The following PTPRG variants were observed in gnomAD, a reference collection of about 807,000 sequenced individuals.
PTPRG encodes the protein protein tyrosine phosphatase receptor type G, also known as receptor-type tyrosine-protein phosphatase gamma.
Under a neutral mutation model 165.3 loss-of-function variants are expected in PTPRG, and 102 were observed. That is an observed-to-expected ratio of 0.62 (90% CI 0.53 to 0.73). The LOEUF is 0.73. Among genes scored for constraint, PTPRG ranks in the 30% least tolerant of loss-of-function variants. The probability of loss-of-function intolerance (pLI) is 0.00; values close to 1 mark genes in which losing one functional copy is unlikely to be tolerated. For missense variants in PTPRG, 1,866 were observed against 1,861.4 expected (o/e 1.00, Z -0.05); for synonymous variants, 675 against 669.5 (o/e 1.01, Z -0.13).
At chr3:61,987,337 A>G (rs1447275547) in intron 2 of PTPRG, among the ~76,000 whole-genome samples, 1 of 152,244 alleles carries the variant, frequency 6.6e-6, no homozygotes, top group African/African-American at 2.4e-5. Flanking sequence ...GAATAAATGA[A>G]TCCCACTGGT....
chr3:61,879,261 T>C (rs982150556), intron 2 of PTPRG, among the ~76,000 whole-genome samples: 3 of 152,210 alleles, frequency 2.0e-5, no homozygotes, highest in African/African-American at 7.2e-5. Flanking sequence ...TTTCTTGCTA[T>C]GCTTCTAGGC....
chr3:61,808,391 C>A (rs1402788169), intron 2 of PTPRG, among the ~76,000 whole-genome samples: 1 of 152,120 alleles, frequency 6.6e-6, no homozygotes. Flanking sequence ...GTGGCACTCA[C>A]CCCTATTCCT....
chr3:61,946,247 G>A (rs2039759365), intron 2 of PTPRG, among the ~76,000 whole-genome samples: 1 of 152,164 alleles, frequency 6.6e-6, no homozygotes, highest in Non-Finnish European at 1.5e-5. Context: ...TCTATCAAAT[G>A]TGTGATCAAG....
At chr3:62,039,409 CAG>C (rs898312601) in intron 4 of PTPRG, among the ~76,000 whole-genome samples, 1 of 151,816 alleles carries the variant, frequency 6.6e-6, no homozygotes, top group African/African-American at 2.4e-5. Context: ...TTTCATGCAA[CAG>C]GGGGAAAAAA....
intron 8 of PTPRG, among the ~76,000 whole-genome samples, chr3:62,185,939 A>G (rs1705864810): frequency 6.6e-6 from 1 of 152,208 alleles, no homozygotes; most frequent in African/African-American, 2.4e-5. Context: ...CAGCTCTTCC[A>G]AACTGATCTA....
chr3:62,091,885 C>T (rs538154897), intron 5 of PTPRG, among the ~76,000 whole-genome samples: 1 of 151,904 alleles, frequency 6.6e-6, no homozygotes, highest in Non-Finnish European at 1.5e-5. Context: ...GGACGAGATA[C>T]CCCCATACAG....
intron 2 of PTPRG, among the ~76,000 whole-genome samples, chr3:61,961,433 A>G (rs2040149658): frequency 6.6e-6 from 1 of 152,208 alleles, no homozygotes; most frequent in African/African-American, 2.4e-5. Context: ...TAAATGAAAA[A>G]TAAACCATTT....
intron 28 of PTPRG, among the ~76,000 whole-genome samples, chr3:62,286,493 G>A (rs187905784): frequency 6.6e-6 from 1 of 151,856 alleles, no homozygotes; most frequent in Non-Finnish European, 1.5e-5. Flanking sequence ...ATGGTTAAAT[G>A]CTCACAGGTA....
intron 4 of PTPRG, among the ~76,000 whole-genome samples, chr3:62,042,161 G>T (rs143171922): frequency 0.01 from 1,577 of 152,220 alleles, 27 homozygotes; most frequent in Non-Finnish European, 0.015. Flanking sequence ...TAGGATTTGG[G>T]GCAAGCTCAG....
intron 2 of PTPRG, among the ~76,000 whole-genome samples, chr3:61,824,702 G>A (rs1329615525): frequency 6.6e-6 from 1 of 152,186 alleles, no homozygotes; most frequent in Non-Finnish European, 1.5e-5. Context: ...GAAGCAGGAG[G>A]ATCAGTCAAG....
At position 62,293,297 on chromosome 3, in the gene PTPRG, C is replaced by A; in HGVS notation, c.4328C>A (p.Ser1443Tyr). 1 of 1,572,174 alleles carries A rather than the reference C, an allele frequency of 6.4e-7. No homozygotes were observed. Among genetic ancestry groups the A allele is most frequent in the Non-Finnish European group, 8.6e-7 (1 of 1,165,600 alleles). ...TCAGACCCTGCTGAGAGCATGGAGT[C>A]CCTAGTGTGACTGGAATCCTGAAAG... ...DESDPAESME[S>Y]LV The change falls in exon 30 of 30, where the codon TCC (serine) becomes TAC (tyrosine). Residue 1443 changes from serine (S) to tyrosine (Y), a missense_variant. By Grantham distance (144) the Ser-to-Tyr change is moderately radical (BLOSUM62 -2). This residue lies in a region of PTPRG where 1,452 missense variants were observed against 1,463.0 expected (regional missense o/e 0.99). Transcript: ENST00000474889.
At chr3:61,898,924 T>A (rs2038430155) in intron 2 of PTPRG, among the ~76,000 whole-genome samples, 3 of 152,116 alleles carry the variant, frequency 2.0e-5, no homozygotes, top group African/African-American at 7.2e-5. Context: ...GTCTGTCTGT[T>A]TAGAGACAGG....
chr3:61,734,468 C>A (rs888478600), intron 1 of PTPRG, among the ~76,000 whole-genome samples: 2 of 152,124 alleles, frequency 1.3e-5, no homozygotes, highest in South Asian at 2.1e-4. Context: ...ATTTAATAAA[C>A]CTTTGTAAGT....
At chr3:62,107,686 C>G (rs754155125) in intron 5 of PTPRG, among the ~76,000 whole-genome samples, 1 of 152,170 alleles carries the variant, frequency 6.6e-6, no homozygotes, top group Non-Finnish European at 1.5e-5. Flanking sequence ...ATATTCTCTT[C>G]TCAAACTGGA....
chr3:62,238,777 A>T (rs777238616), intron 14 of PTPRG, among the ~76,000 whole-genome samples: 8 of 152,192 alleles, frequency 5.3e-5, no homozygotes, highest in Middle Eastern at 3.2e-3. Flanking sequence ...CTGATAAGAG[A>T]GAGAGAGAGA....
In PTPRG at chr3:62,262,806, G is replaced by C; in HGVS notation, c.2568G>C (p.Gln856His). Residue 856 changes from glutamine to histidine, a missense_variant, in exon 17 of 30, where the codon CAG becomes CAC. Gln to His is a conservative substitution (Grantham distance 24, BLOSUM62 0). This residue lies in a region of PTPRG where 1,452 missense variants were observed against 1,463.0 expected (regional missense o/e 0.99). Transcript: ENST00000474889. ...GCTGTTTTCTTCACTAGGAAGTCCA[G>C]CGCTGTACTGCTGATATGAACATCA... ...HGFSEDFEEV[Q>H]RCTADMNITA... 6.2e-7 allele frequency: 1 copy of C among 1,612,936 alleles called. No individual in the cohort carries two copies. The highest frequency in any genetic ancestry group is 8.5e-7 in the Non-Finnish European group (1 of 1,179,294).
chr3:62,104,222 A>C (rs114025006), intron 5 of PTPRG, among the ~76,000 whole-genome samples: 161 of 152,252 alleles, frequency 1.1e-3, no homozygotes, highest in African/African-American at 3.8e-3. Context: ...TTATGGTACT[A>C]TTTTATACAA....
intron 14 of PTPRG, among the ~76,000 whole-genome samples, chr3:62,239,152 A>G (rs1222265748): frequency 6.6e-6 from 1 of 152,154 alleles, no homozygotes; most frequent in Non-Finnish European, 1.5e-5. Context: ...GGGTACTTAC[A>G]TATACAAATG....
intron 1 of PTPRG, among the ~76,000 whole-genome samples, chr3:61,575,094 G>A (rs1044975935): frequency 1.1e-4 from 16 of 152,304 alleles, no homozygotes; most frequent in South Asian, 4.1e-4. Flanking sequence ...TAACTTTAGC[G>A]TTAGAGTTCT....
Sources: gnomAD v4.1 joint callset for allele counts (sites outside exome capture counted in the v4.1 genomes callset) on GRCh38, gnomAD v4.1.1 for gene constraint, gnomAD v4.1.1 regional missense constraint, MANE v1.5 for transcripts, NCBI Gene and HGNC (gene_info 2026-07-23, HGNC 2026-07-21) for gene names.